The following TSPEAR variants were observed in gnomAD, a reference collection of about 807,000 sequenced individuals.
TSPEAR encodes the protein thrombospondin type laminin G domain and EAR repeats, also known as thrombospondin-type laminin G domain and EAR repeat-containing protein.
In TSPEAR, 69 loss-of-function variants were observed where a neutral mutation model predicts 71.6. That is an observed-to-expected ratio of 0.96 (90% CI 0.79 to 1.18). The LOEUF (loss-of-function observed/expected upper bound fraction) is 1.18. Ranked by LOEUF, TSPEAR falls within the 50% of genes most tolerant of loss-of-function variation. TSPEAR has a pLI of 0.00. For missense variants in TSPEAR, 971 were observed against 894.9 expected, an observed-to-expected ratio of 1.09 and a Z score of -1.09; for synonymous variants, 402 against 387.2, an observed-to-expected ratio of 1.04 and a Z score of -0.45.
chr21:44,552,857 C>T (rs2053466110), intron 2 of TSPEAR, among the ~76,000 whole-genome samples: 1 of 151,870 alleles, frequency 6.6e-6, no homozygotes, highest in Non-Finnish European at 1.5e-5. Flanking sequence ...AAACAAGCCC[C>T]TCCGACCTCT....
chr21:44,575,152 T>A, intron 1 of TSPEAR: 1 of 914,320 alleles, frequency 1.1e-6, no homozygotes, highest in African/African-American at 1.7e-5. Flanking sequence ...ATGGAAGAAC[T>A]GAAAGTCTAT....
Position 44,710,025 on chromosome 21 carries a change from T to C in TSPEAR, c.82+1408A>G, listed in dbSNP as rs782478558. Among the ~76,000 whole-genome samples the C allele has an allele frequency of 2.0e-5, 3 of 152,232 alleles. No individual in the cohort carries two copies. Among genetic ancestry groups the C allele is most frequent in the Non-Finnish European group, 4.4e-5 (3 of 68,042 alleles). ...GTATTATTATTATGCAGGTTGATTC[T>C]GTTCCCTGAGCTAAAGGGAACATGA... On this transcript the variant is annotated intron_variant, in intron 1 of 11. Coordinates refer to ENST00000323084, the MANE Select transcript of TSPEAR (RefSeq NM_144991.3). The surrounding 1 kb of genome is among the most constrained non-coding windows in gnomAD (Gnocchi z 4.6).
chr21:44,583,877 G>A (rs1299687222), intron 1 of TSPEAR, among the ~76,000 whole-genome samples: 2 of 152,160 alleles, frequency 1.3e-5, no homozygotes, highest in Admixed American at 6.5e-5. Context: ...GACATTTAAG[G>A]TGGACTCTCT....
intron 1 of TSPEAR, among the ~76,000 whole-genome samples, chr21:44,691,249 C>T (rs534116085): frequency 6.6e-6 from 1 of 152,250 alleles, no homozygotes; most frequent in East Asian, 1.9e-4. Flanking sequence ...TTAGCATGTG[C>T]ATCATTAGGC....
At chr21:44,620,506 G>T (rs1168336426) in intron 1 of TSPEAR, among the ~76,000 whole-genome samples, 5 of 152,266 alleles carry the variant, frequency 3.3e-5, no homozygotes, top group East Asian at 3.9e-4. Context: ...TTAACGTAAG[G>T]TCAGTAGTGA....
At chr21:44,658,418 C>G (rs2146262696) in intron 1 of TSPEAR, 2 of 681,662 alleles carry the variant, frequency 2.9e-6, no homozygotes, top group Non-Finnish European at 4.5e-6. Flanking sequence ...AAAAATGATT[C>G]AGACCTTCCA....
At chr21:44,703,752 C>G (rs929175557) in intron 1 of TSPEAR, among the ~76,000 whole-genome samples, 1 of 152,160 alleles carries the variant, frequency 6.6e-6, no homozygotes, top group South Asian at 2.1e-4. Context: ...ATCTGGGGCC[C>G]AAGCTGGCCA....
chr21:44,551,046 T>G, intron 2 of TSPEAR: 2 of 1,608,382 alleles, frequency 1.2e-6, no homozygotes, highest in East Asian at 2.2e-5. Context: ...ACGGCAGGAC[T>G]GCTGGCAGGA....
chr21:44,552,969 C>T (rs918291690), intron 2 of TSPEAR, among the ~76,000 whole-genome samples: 6 of 152,310 alleles, frequency 3.9e-5, no homozygotes, highest in Admixed American at 1.3e-4. Context: ...GAAGGGAAGC[C>T]GAGGCAGCGG....
chr21:44,644,791 T>C (rs1984215529), intron 1 of TSPEAR, among the ~76,000 whole-genome samples: 1 of 152,122 alleles, frequency 6.6e-6, no homozygotes, highest in Non-Finnish European at 1.5e-5. Flanking sequence ...TTATTAAAAA[T>C]GGAAAAACAC....
intron 1 of TSPEAR, among the ~76,000 whole-genome samples, chr21:44,700,202 G>A (rs1454885609): frequency 6.6e-6 from 1 of 152,202 alleles, no homozygotes; most frequent in African/African-American, 2.4e-5. Context: ...GAAGAACTTG[G>A]TGACTTCAGG....
chr21:44,623,748 GGCT>G lies in TSPEAR; in HGVS notation c.83-55746_83-55744del, dbSNP rs1982597119. Among the ~76,000 whole-genome samples, 1 of 151,986 alleles carries G rather than the reference GGCT, an allele frequency of 6.6e-6. No individual in the cohort carries two copies. The highest frequency in any genetic ancestry group is 1.5e-5 in the Non-Finnish European group (1 of 68,006). On this transcript the variant is annotated intron_variant, in intron 1 of 11. Coordinates refer to ENST00000323084, the MANE Select transcript of TSPEAR (RefSeq NM_144991.3). The surrounding 1 kb of genome is among the most constrained non-coding windows in gnomAD (Gnocchi z 4.5). ...TAAATATATCATTCCATCATCCTCT[GGCT>G]GCCATCATTTCTACTGAGAAGTCAT...
chr21:44,542,742 TAA>T (rs11404148), intron 2 of TSPEAR, among the ~76,000 whole-genome samples: 2 of 120,054 alleles, frequency 1.7e-5, no homozygotes, highest in Non-Finnish European at 1.7e-5. Flanking sequence ...AGAGACCTGT[TAA>T]AAAAAAAAAA....
chr21:44,517,866 G>C, intron 9 of TSPEAR: 1 of 471,208 alleles, frequency 2.1e-6, no homozygotes, highest in South Asian at 1.5e-5. Context: ...CGCTCCTTGG[G>C]CTCAGCGCCC....
chr21:44,580,428 A>T, intron 1 of TSPEAR: 1 of 1,613,134 alleles, frequency 6.2e-7, no homozygotes, highest in Non-Finnish European at 8.5e-7. Context: ...GCCTGGCAGC[A>T]GGGGCTGGAC....
chr21:44,601,710 C>G (rs1392155591), intron 1 of TSPEAR: 5 of 1,611,752 alleles, frequency 3.1e-6, no homozygotes, highest in Admixed American at 3.3e-5. Context: ...GTGGCCCCAC[C>G]TCAACCCAGA....
rs782402673 is a variant in TSPEAR at position 44,528,594 on chromosome 21, G to C, written c.791-11C>G. ...CTCGAATGTTGGTTTCTGAGGGGAA[G>C]ACCAGGAAGATGAGTTTCCAGCAAG... On this transcript the variant is annotated splice_polypyrimidine_tract_variant and intron_variant, in intron 5 of 11. Coordinates refer to ENST00000323084, the MANE Select transcript of TSPEAR (RefSeq NM_144991.3). 4.8e-5 allele frequency: 77 copies of C among 1,612,876 alleles called. No homozygotes were observed. The highest frequency in any genetic ancestry group is 6.2e-5 in the Non-Finnish European group (73 of 1,179,552).
At position 44,511,317 on chromosome 21, in the gene TSPEAR, G is replaced by A. The variant is rs182229914; in HGVS notation, c.1567-1931C>T. 9.1e-3 allele frequency among the ~76,000 whole-genome samples: 1,389 copies of A among 152,070 alleles called. 22 individuals carry two copies. Among genetic ancestry groups the A allele is most frequent in the African/African-American group, 0.032 (1,312 of 41,456 alleles). ...GCACTGTGCGCACACACACATGCAC[G>A]CCTGCATGCATGCATACACACACAA... On this transcript the variant is annotated intron_variant, in intron 9 of 11. Transcript: ENST00000323084.
At chr21:44,584,609 C>CCTCT (rs150596176) in intron 1 of TSPEAR, among the ~76,000 whole-genome samples, 4 of 150,946 alleles carry the variant, frequency 2.6e-5, no homozygotes, top group Non-Finnish European at 4.4e-5. Flanking sequence ...GTCCTCTCTC[C>CCTCT]CTCTCTCTCT....
Sources: allele counts gnomAD v4.1 joint callset (sites outside exome capture counted in the v4.1 genomes callset), GRCh38; gene constraint gnomAD v4.1.1; non-coding constraint Gnocchi (gnomAD v3.1); transcripts MANE v1.5; gene names NCBI Gene and HGNC (gene_info 2026-07-23, HGNC 2026-07-21).